The following GABRG3 variants were observed in gnomAD, a reference collection of about 807,000 sequenced individuals.
GABRG3 encodes the protein gamma-aminobutyric acid type A receptor subunit gamma3.
In GABRG3, 25 loss-of-function variants were observed where a neutral mutation model predicts 48.8. The ratio of observed to expected loss-of-function variants is 0.51; its 90% CI spans 0.37 to 0.72. GABRG3 has a LOEUF of 0.72. GABRG3 is among the 30% of genes least tolerant of loss of function. GABRG3 has a pLI of 0.00. For missense variants in GABRG3, 394 were observed against 577.9 expected (o/e 0.68, Z 3.26); for synonymous variants, 227 against 217.6 (o/e 1.04, Z -0.38).
At chr15:27,177,641 G>A (rs1193225873) in intron 3 of GABRG3, among the ~76,000 whole-genome samples, 2 of 152,250 alleles carry the variant, frequency 1.3e-5, no homozygotes, top group East Asian at 3.9e-4. Flanking sequence ...TTAGAAGCAA[G>A]ATGGAGTTAA....
intron 6 of GABRG3, among the ~76,000 whole-genome samples, chr15:27,513,186 G>C (rs1337146076): frequency 3.3e-5 from 5 of 152,000 alleles, no homozygotes; most frequent in Non-Finnish European, 7.4e-5. Flanking sequence ...AGTAGCTCAT[G>C]CCTGTAATCC....
intron 3 of GABRG3, among the ~76,000 whole-genome samples, chr15:27,071,067 G>A (rs1478778442): frequency 1.3e-5 from 2 of 152,192 alleles, no homozygotes; most frequent in Non-Finnish European, 2.9e-5. Context: ...TGTCTGTGTT[G>A]TTTTTCAAAA....
chr15:27,209,010 C>G (rs1417095146), intron 3 of GABRG3, among the ~76,000 whole-genome samples: 1 of 152,178 alleles, frequency 6.6e-6, no homozygotes, highest in African/African-American at 2.4e-5. Flanking sequence ...CTGAGCCTGG[C>G]GGACCTTGTT....
chr15:27,160,791 A>C (rs2140403660), intron 3 of GABRG3, among the ~76,000 whole-genome samples: 1 of 152,256 alleles, frequency 6.6e-6, no homozygotes, highest in South Asian at 2.1e-4. Flanking sequence ...CTCATGAATA[A>C]GTAGATATGA....
chr15:27,097,912 T>C (rs1469624458), intron 3 of GABRG3, among the ~76,000 whole-genome samples: 1 of 150,964 alleles, frequency 6.6e-6, no homozygotes, highest in African/African-American at 2.5e-5. Flanking sequence ...CATTATTAGC[T>C]AATTTTTTTC....
intron 7 of GABRG3, among the ~76,000 whole-genome samples, chr15:27,524,457 G>T (rs1027908573): frequency 2.6e-5 from 4 of 151,966 alleles, no homozygotes; most frequent in Non-Finnish European, 4.4e-5. Flanking sequence ...GAAAATATGG[G>T]CAAGTAAAAT....
At chr15:27,181,381 G>A (rs1370418638) in intron 3 of GABRG3, among the ~76,000 whole-genome samples, 3 of 152,232 alleles carry the variant, frequency 2.0e-5, no homozygotes, top group African/African-American at 7.2e-5. Flanking sequence ...CTCTTGTTTT[G>A]GGGGAAGATT....
intron 5 of GABRG3, among the ~76,000 whole-genome samples, chr15:27,351,874 G>T (rs1043696741): frequency 6.7e-6 from 1 of 149,150 alleles, no homozygotes. Context: ...TGGTGTGTGC[G>T]TATGTATGAT....
At chr15:27,097,492 T>G (rs1897284600) in intron 3 of GABRG3, among the ~76,000 whole-genome samples, 2 of 152,166 alleles carry the variant, frequency 1.3e-5, no homozygotes, top group Non-Finnish European at 2.9e-5. Flanking sequence ...CTTTACTTCC[T>G]TTGTTTTTCT....
intron 3 of GABRG3, among the ~76,000 whole-genome samples, chr15:27,218,554 G>A (rs934310003): frequency 1.3e-5 from 2 of 152,128 alleles, no homozygotes; most frequent in East Asian, 1.9e-4. Flanking sequence ...GCTGCTGCTT[G>A]TGTTTCCGTT....
rs1415068520 is a variant in GABRG3, at chr15:27,185,379, G to A, written c.271-141430G>A. Among the ~76,000 whole-genome samples, 6 of 151,776 alleles carry A rather than the reference G, an allele frequency of 4.0e-5. No individual in the cohort carries two copies. The South Asian group carries it at 1.0e-3, about 26-fold the overall frequency. On this transcript the variant is annotated intron_variant, in intron 3 of 9. Transcript: ENST00000615808. ...CTCTTCTTTATTTCTCTTTTGACTC[G>A]TTATGGTCAAAGAACATACTTCCTT...
At chr15:27,163,464 C>T (rs900693775) in intron 3 of GABRG3, among the ~76,000 whole-genome samples, 5 of 152,022 alleles carry the variant, frequency 3.3e-5, no homozygotes, top group Admixed American at 3.3e-4. Context: ...AATCTCATAA[C>T]CTCCATGTGA....
At chr15:27,023,246 C>T (rs1895928425) in intron 2 of GABRG3, among the ~76,000 whole-genome samples, 1 of 152,188 alleles carries the variant, frequency 6.6e-6, no homozygotes, top group South Asian at 2.1e-4. Flanking sequence ...CCATTTCTGG[C>T]TTTCCTACCT....
chr15:27,056,369 A>AG (rs1431754938), intron 3 of GABRG3, among the ~76,000 whole-genome samples: 1 of 149,864 alleles, frequency 6.7e-6, no homozygotes, highest in African/African-American at 2.5e-5. Flanking sequence ...AAAAAAAAAA[A>AG]AAAAGAAAAG....
chr15:27,188,723 T>A (rs953159132), intron 3 of GABRG3, among the ~76,000 whole-genome samples: 2 of 152,198 alleles, frequency 1.3e-5, no homozygotes, highest in African/African-American at 4.8e-5. Context: ...CAGAAGCTCT[T>A]TAGTTTCATT....
At chr15:27,029,437 GCACACACA>G (rs10564490) in intron 3 of GABRG3, among the ~76,000 whole-genome samples, 1 of 150,580 alleles carries the variant, frequency 6.6e-6, no homozygotes, top group Non-Finnish European at 1.5e-5. Context: ...TGTTTAAAAT[GCACACACA>G]CACACACACA....
chr15:27,381,148 G>T (rs1416881549), intron 5 of GABRG3, among the ~76,000 whole-genome samples: 2 of 152,030 alleles, frequency 1.3e-5, no homozygotes, highest in African/African-American at 4.8e-5. Flanking sequence ...CTCCATTGTT[G>T]CCCCCATCTT....
intron 2 of GABRG3, among the ~76,000 whole-genome samples, 199 bp from the exon 3 acceptor site, chr15:27,026,555 C>G (rs1452361823): frequency 6.6e-6 from 1 of 152,192 alleles, no homozygotes; most frequent in Non-Finnish European, 1.5e-5. Context: ...GTAAGAATCT[C>G]TCATCCTTCG....
intron 5 of GABRG3, among the ~76,000 whole-genome samples, chr15:27,380,835 GGCTCACTGCAAGCTCT>G (rs1180440436): frequency 6.7e-6 from 1 of 149,286 alleles, no homozygotes; most frequent in Non-Finnish European, 1.5e-5. Flanking sequence ...GCGTAATCTC[GGCTCACTGCAAGCTCT>G]GCCTCCTGGG....
Sources: gnomAD v4.1 joint callset for allele counts (sites outside exome capture counted in the v4.1 genomes callset) on GRCh38, gnomAD v4.1.1 for gene constraint, MANE v1.5 for transcripts, NCBI Gene and HGNC (gene_info 2026-07-23, HGNC 2026-07-21) for gene names.